Variants in ADCY2 observed in about 807,000 individuals in gnomAD.
The protein encoded by ADCY2 is adenylate cyclase type 2.
Under a neutral mutation model 125.2 loss-of-function variants are expected in ADCY2, and 31 were observed. That is an observed-to-expected ratio of 0.25 (90% CI 0.19 to 0.33). The LOEUF is 0.33. Among genes scored for constraint, ADCY2 ranks in the 10% least tolerant of loss-of-function variants. ADCY2 has a pLI of 1.00. For missense variants in ADCY2, 904 were observed against 1,418.2 expected, an observed-to-expected ratio of 0.64 and a Z score of 5.82; for synonymous variants, 512 against 548.4, an observed-to-expected ratio of 0.93 and a Z score of 0.93.
intron 3 of ADCY2, among the ~76,000 whole-genome samples, chr5:7,580,215 TA>T (rs1416942936): frequency 6.6e-6 from 1 of 152,032 alleles, no homozygotes; most frequent in Non-Finnish European, 1.5e-5. Context: ...TACACCCATG[TA>T]AAAAAACAAA....
At chr5:7,757,729 G>A (rs940813354) in intron 16 of ADCY2, 143 bp downstream of exon 16, 3 of 1,219,440 alleles carry the variant, frequency 2.5e-6, no homozygotes, top group African/African-American at 3.2e-5. Context: ...GCCCCGGGGT[G>A]AGTCAGGGCT....
intron 4 of ADCY2, among the ~76,000 whole-genome samples, chr5:7,648,152 T>C (rs888051457): frequency 6.6e-6 from 1 of 152,230 alleles, no homozygotes; most frequent in Non-Finnish European, 1.5e-5. Flanking sequence ...TGGTTGCCTT[T>C]TTTTTCTTTT....
intron 3 of ADCY2, among the ~76,000 whole-genome samples, chr5:7,563,970 A>G (rs1426525024): frequency 6.6e-6 from 1 of 152,222 alleles, no homozygotes; most frequent in South Asian, 2.1e-4. Context: ...ATCACTTCCC[A>G]TATGGAAATT....
At chr5:7,729,619 A>G (rs1742037189) in intron 14 of ADCY2, among the ~76,000 whole-genome samples, 1 of 151,312 alleles carries the variant, frequency 6.6e-6, no homozygotes, top group Admixed American at 6.6e-5. Context: ...TGGTAAATTA[A>G]AAGCAACTTT....
intron 7 of ADCY2, among the ~76,000 whole-genome samples, chr5:7,699,081 A>ATTTTTTTTTTTTTTTT (rs561359357): frequency 7.9e-5 from 3 of 37,968 alleles, no homozygotes; most frequent in East Asian, 1.4e-3. Context: ...AACAGTAAGC[A>ATTTTTTTTTTTTTTTT]TTTTTTTTTT....
intron 3 of ADCY2, among the ~76,000 whole-genome samples, chr5:7,580,986 G>A (rs1736407186): frequency 1.3e-5 from 2 of 152,072 alleles, no homozygotes; most frequent in African/African-American, 2.4e-5. Flanking sequence ...TATCCTTCAA[G>A]AATTAAGACA....
At chr5:7,422,248 C>T (rs1246118222) in intron 2 of ADCY2, among the ~76,000 whole-genome samples, 1 of 151,570 alleles carries the variant, frequency 6.6e-6, no homozygotes, top group East Asian at 1.9e-4. Context: ...GCTATATTGC[C>T]CAGGTTGGTT....
intron 3 of ADCY2, among the ~76,000 whole-genome samples, chr5:7,562,474 G>A (rs998737535): frequency 3.9e-5 from 6 of 152,056 alleles, no homozygotes; most frequent in African/African-American, 1.4e-4. Flanking sequence ...ACAACTCATT[G>A]TTTAGGGCCA....
intron 4 of ADCY2, among the ~76,000 whole-genome samples, chr5:7,655,802 A>T (rs1739301773): frequency 6.6e-6 from 1 of 152,210 alleles, no homozygotes; most frequent in South Asian, 2.1e-4. Flanking sequence ...GTACAGTTAG[A>T]TGGTGTAGGA....
intron 4 of ADCY2, among the ~76,000 whole-genome samples, chr5:7,660,239 AGAAGGAAGGAAGGAAGGAAGGAAG>A (rs59646942): frequency 1.5e-3 from 149 of 101,330 alleles, no homozygotes; most frequent in African/African-American, 1.9e-3. Context: ...AGGGAGGGAG[AGAAGGAAGGAAGGAAGGAAGGAAG>A]GAAGGAAGGA....
chr5:7,771,893 AT>A (rs1260472478), intron 17 of ADCY2, among the ~76,000 whole-genome samples: 2 of 152,186 alleles, frequency 1.3e-5, no homozygotes, highest in Non-Finnish European at 1.5e-5. Flanking sequence ...AAAAGTCTTA[AT>A]TTTTTTGAGT....
chr5:7,782,966 C>G (rs1189359279), intron 18 of ADCY2, among the ~76,000 whole-genome samples: 1 of 152,112 alleles, frequency 6.6e-6, no homozygotes, highest in East Asian at 1.9e-4. Context: ...AAATGGTGAC[C>G]TCCTTAAGTT....
At chr5:7,762,441 C>G (rs949617013) in intron 16 of ADCY2, among the ~76,000 whole-genome samples, 1 of 152,192 alleles carries the variant, frequency 6.6e-6, no homozygotes, top group African/African-American at 2.4e-5. Flanking sequence ...GAGGCAGTGC[C>G]CGGGGCCACA....
chr5:7,823,614 C>T (rs1745371550), intron 24 of ADCY2, among the ~76,000 whole-genome samples: 1 of 152,174 alleles, frequency 6.6e-6, no homozygotes, highest in Non-Finnish European at 1.5e-5. Flanking sequence ...GAGGCCTGCC[C>T]CTACCAAGGA....
intron 3 of ADCY2, among the ~76,000 whole-genome samples, chr5:7,558,413 T>C (rs185676114): frequency 6.6e-6 from 1 of 152,334 alleles, no homozygotes; most frequent in African/African-American, 2.4e-5. Flanking sequence ...ATTGTGGTTT[T>C]GATTTGCATT....
At chr5:7,550,625 A>G (rs113557252) in intron 3 of ADCY2, among the ~76,000 whole-genome samples, 41 of 152,242 alleles carry the variant, frequency 2.7e-4, no homozygotes, top group African/African-American at 9.4e-4. Context: ...ATTCTGGAAG[A>G]GTGTTCTTGC....
At chr5:7,690,915 C>G (rs1425391701) in intron 5 of ADCY2, 76 bp downstream of exon 5, 1 of 1,385,846 alleles carries the variant, frequency 7.2e-7, no homozygotes, top group Non-Finnish European at 9.5e-7. Context: ...GATCTCACAC[C>G]TCATATCACC....
intron 2 of ADCY2, among the ~76,000 whole-genome samples, chr5:7,485,103 C>G (rs1742875112): frequency 6.6e-6 from 1 of 152,146 alleles, no homozygotes; most frequent in African/African-American, 2.4e-5. Flanking sequence ...TTACATGTCA[C>G]TAACTAAATT....
chr5:7,809,355 A>G (rs1346813670), intron 22 of ADCY2, among the ~76,000 whole-genome samples: 1 of 152,256 alleles, frequency 6.6e-6, no homozygotes, highest in Admixed American at 6.5e-5. Context: ...TCTGAAAGGA[A>G]AGTTCATTAC....
Sources: allele counts gnomAD v4.1 joint callset (sites outside exome capture counted in the v4.1 genomes callset), GRCh38; gene constraint gnomAD v4.1.1; transcripts MANE v1.5; gene names NCBI Gene and HGNC (gene_info 2026-07-23, HGNC 2026-07-21).